The following PDSS2 variants were observed in gnomAD, a reference collection of about 807,000 sequenced individuals.
PDSS2 encodes the protein decaprenyl diphosphate synthase subunit 2.
PDSS2 carries 31 observed loss-of-function variants against 44.5 expected under a neutral mutation model. That is an observed-to-expected ratio of 0.70 (90% CI 0.52 to 0.94). The LOEUF (loss-of-function observed/expected upper bound fraction) is 0.94, where lower values mean the gene tolerates loss of function less well. PDSS2 is among the 40% of genes least tolerant of loss of function. The pLI is 0.00. For missense variants in PDSS2, 452 were observed against 482.2 expected (o/e 0.94, Z 0.59); for synonymous variants, 157 against 180.3 (o/e 0.87, Z 1.03).
intron 1 of PDSS2, among the ~76,000 whole-genome samples, chr6:107,351,591 T>C (rs949028973): frequency 3.9e-5 from 6 of 152,200 alleles, no homozygotes; most frequent in African/African-American, 1.4e-4. Context: ...TGAAAAGTTC[T>C]CTATAATATA....
At chr6:107,357,276 G>T (rs1778623450) in intron 1 of PDSS2, among the ~76,000 whole-genome samples, 1 of 152,178 alleles carries the variant, frequency 6.6e-6, no homozygotes, top group Admixed American at 6.5e-5. Context: ...ATTATGAGCT[G>T]CTGGTATCCA....
chr6:107,199,166 TACTC>T (rs571605541), intron 6 of PDSS2, among the ~76,000 whole-genome samples: 103 of 152,346 alleles, frequency 6.8e-4, no homozygotes, highest in African/African-American at 2.3e-3. Context: ...ATTTAACAAA[TACTC>T]ATTCAGCACC....
intron 3 of PDSS2, among the ~76,000 whole-genome samples, chr6:107,251,800 G>A (rs1774829189): frequency 6.6e-6 from 1 of 152,102 alleles, no homozygotes; most frequent in African/African-American, 2.4e-5. Flanking sequence ...GGCCGATAAA[G>A]GTAACCAGAG....
intron 1 of PDSS2, among the ~76,000 whole-genome samples, chr6:107,443,856 T>A (rs1336912700): frequency 6.6e-6 from 1 of 152,226 alleles, no homozygotes; most frequent in Non-Finnish European, 1.5e-5. Context: ...TACAGCATAT[T>A]GTTCACTACG....
chr6:107,208,201 G>A (rs1773066958), intron 6 of PDSS2, among the ~76,000 whole-genome samples: 1 of 147,870 alleles, frequency 6.8e-6, no homozygotes, highest in South Asian at 2.1e-4. Flanking sequence ...GGTCAGGCTG[G>A]TCTCGAACTC....
chr6:107,195,220 C>T (rs1045211481), intron 6 of PDSS2, among the ~76,000 whole-genome samples: 22 of 152,040 alleles, frequency 1.4e-4, no homozygotes, highest in South Asian at 6.2e-4. Context: ...GTGGCTCATG[C>T]GTGTAATCCC....
chr6:107,390,373 C>A (rs1779742611), intron 1 of PDSS2, among the ~76,000 whole-genome samples: 2 of 152,080 alleles, frequency 1.3e-5, no homozygotes, highest in Non-Finnish European at 2.9e-5. Flanking sequence ...ACCATAACCC[C>A]AGTCTACATA....
chr6:107,207,986 T>TTTGTTTTG (rs1198393452), intron 6 of PDSS2, among the ~76,000 whole-genome samples: 8 of 143,940 alleles, frequency 5.6e-5, no homozygotes, highest in East Asian at 2.0e-4. Flanking sequence ...TTGTTTTTTT[T>TTTGTTTTG]TTTTTTTTTT....
intron 3 of PDSS2, among the ~76,000 whole-genome samples, chr6:107,250,886 C>T (rs938419881): frequency 6.6e-6 from 1 of 151,776 alleles, no homozygotes; most frequent in African/African-American, 2.4e-5. Context: ...GACGGAGTCT[C>T]GCTCTGTTAC....
At chr6:107,248,136 C>T (rs1562406098) in intron 3 of PDSS2, among the ~76,000 whole-genome samples, 1 of 152,172 alleles carries the variant, frequency 6.6e-6, no homozygotes, top group Non-Finnish European at 1.5e-5. Flanking sequence ...ATTTAATAAT[C>T]TGACTTTTTT....
intron 1 of PDSS2, among the ~76,000 whole-genome samples, chr6:107,420,837 A>C (rs925131028): frequency 1.3e-5 from 2 of 151,766 alleles, no homozygotes; most frequent in African/African-American, 4.8e-5. Context: ...AAAAAAAAAA[A>C]CCAGTAACTG....
chr6:107,382,713 TG>T (rs1217326048), intron 1 of PDSS2, among the ~76,000 whole-genome samples: 1 of 152,068 alleles, frequency 6.6e-6, no homozygotes, highest in Non-Finnish European at 1.5e-5. Context: ...AGCACACACC[TG>T]TAGTCCCTAC....
At chr6:107,458,900 C>G (rs888390644) in intron 1 of PDSS2, 90 bp downstream of exon 1, 1 of 1,119,384 alleles carries the variant, frequency 8.9e-7, no homozygotes, top group Non-Finnish European at 1.3e-6. Context: ...AAATCAGGAG[C>G]CAGTCTGAGA....
At chr6:107,388,733 C>T (rs889087021) in intron 1 of PDSS2, among the ~76,000 whole-genome samples, 1 of 152,228 alleles carries the variant, frequency 6.6e-6, no homozygotes, top group African/African-American at 2.4e-5. Flanking sequence ...GCTGGGATTA[C>T]AGGCGTGAGC....
intron 2 of PDSS2, among the ~76,000 whole-genome samples, chr6:107,309,851 A>G (rs1464855988): frequency 6.6e-6 from 1 of 152,256 alleles, no homozygotes; most frequent in East Asian, 1.9e-4. Context: ...TATTTTACTT[A>G]AGTCCTAAAG....
chr6:107,417,000 G>A lies in PDSS2; in HGVS notation c.296+41990C>T, dbSNP rs1050449948. Among the ~76,000 whole-genome samples the A allele has an allele frequency of 4.6e-5, 7 of 152,168 alleles. No individual in the cohort carries two copies. The East Asian group carries it at 5.8e-4, about 13-fold the overall frequency. On this transcript the variant is annotated intron_variant, in intron 1 of 7. Coordinates refer to ENST00000369037, the MANE Select transcript of PDSS2 (RefSeq NM_020381.4). ...TCCTAGCACTTTGGGAGGTGGAGGC[G>A]GGTGGATTGCTTGAGCCCAGAAGTT...
chr6:107,288,008 A>G (rs1049073990), intron 2 of PDSS2, among the ~76,000 whole-genome samples: 1 of 152,078 alleles, frequency 6.6e-6, no homozygotes, highest in African/African-American at 2.4e-5. Context: ...AAGAACAAAA[A>G]AACAGTGAAA....
At chr6:107,196,351 C>T (rs776353057) in intron 6 of PDSS2, among the ~76,000 whole-genome samples, 1 of 152,192 alleles carries the variant, frequency 6.6e-6, no homozygotes, top group Non-Finnish European at 1.5e-5. Context: ...CTTGATCTTA[C>T]GAATAATCCA....
At chr6:107,346,857 T>C (rs747402533) in intron 1 of PDSS2, among the ~76,000 whole-genome samples, 1 of 152,250 alleles carries the variant, frequency 6.6e-6, no homozygotes, top group African/African-American at 2.4e-5. Context: ...TTGAATCTTC[T>C]CTTGCTTATA....
Sources: gnomAD v4.1 joint callset for allele counts (sites outside exome capture counted in the v4.1 genomes callset) on GRCh38, gnomAD v4.1.1 for gene constraint, MANE v1.5 for transcripts, NCBI Gene and HGNC (gene_info 2026-07-23, HGNC 2026-07-21) for gene names.